Variants in BATF observed in about 807,000 individuals in gnomAD.
BATF encodes basic leucine zipper ATF-like transcription factor.
A neutral mutation model predicts 13.7 loss-of-function variants in BATF; 5 were observed. The ratio of observed to expected loss-of-function variants is 0.36; its 90% confidence interval spans 0.19 to 0.77. The LOEUF (loss-of-function observed/expected upper bound fraction) is 0.77, where lower values mean the gene tolerates loss of function less well. Ranked by LOEUF, BATF falls within the 30% of genes least tolerant of loss-of-function variation. BATF has a pLI of 0.51. For missense variants in BATF, 124 were observed against 163.0 expected, an observed-to-expected ratio of 0.76 and a Z score of 1.30; for synonymous variants, 72 against 67.5, an observed-to-expected ratio of 1.07 and a Z score of -0.33.
At chr14:75,543,462 A>C (rs369104699) in intron 2 of BATF, among the ~76,000 whole-genome samples, 2 of 149,852 alleles carry the variant, frequency 1.3e-5, no homozygotes, top group African/African-American at 2.5e-5. Context: ...ATTTAGAAAG[A>C]CCCCCCCCAG....
intron 2 of BATF, among the ~76,000 whole-genome samples, chr14:75,536,090 G>A (rs949194875): frequency 1.3e-5 from 2 of 152,212 alleles, no homozygotes; most frequent in Admixed American, 6.5e-5. Flanking sequence ...CAGAGTCTCT[G>A]ATTTCACGAA....
intron 2 of BATF, among the ~76,000 whole-genome samples, chr14:75,541,605 C>A (rs3784007): frequency 0.5 from 76,191 of 152,056 alleles, 19,471 homozygotes; most frequent in East Asian, 0.6. Flanking sequence ...GTCACCAAAA[C>A]CGAGACCCAG....
At chr14:75,526,925 A>G (rs1048065577) in intron 2 of BATF, among the ~76,000 whole-genome samples, 3 of 152,226 alleles carry the variant, frequency 2.0e-5, no homozygotes, top group Non-Finnish European at 2.9e-5. Context: ...CAAGTAGACA[A>G]TGTCCTCAGA....
chr14:75,530,689 T>G (rs574408897), intron 2 of BATF, among the ~76,000 whole-genome samples: 1 of 152,286 alleles, frequency 6.6e-6, no homozygotes, highest in African/African-American at 2.4e-5. Flanking sequence ...ATTTTTTATT[T>G]TTAGAGACAG....
intron 2 of BATF, among the ~76,000 whole-genome samples, chr14:75,532,075 C>A (rs886302749): frequency 2.6e-5 from 4 of 152,210 alleles, no homozygotes; most frequent in Admixed American, 6.5e-5. Context: ...GCTCTCCCTG[C>A]AGCATCTCAT....
chr14:75,535,179 G>A (rs56136561), intron 2 of BATF, among the ~76,000 whole-genome samples: 6,076 of 152,184 alleles, frequency 0.04, 400 homozygotes, highest in African/African-American at 0.14. Context: ...CAATACATAC[G>A]GAGGCCAAGG....
At chr14:75,539,215 C>T (rs1401330789) in intron 2 of BATF, among the ~76,000 whole-genome samples, 1 of 152,154 alleles carries the variant, frequency 6.6e-6, no homozygotes, top group Non-Finnish European at 1.5e-5. Context: ...CTTTCATTCT[C>T]TAGGCTGTGA....
At position 75,546,803 on chromosome 14, in the gene BATF, A is replaced by G. The variant is rs1887994886; in HGVS notation, c.*132A>G. The G allele has an allele frequency of 8.2e-7, 1 of 1,218,338 alleles. No homozygotes were observed. Among genetic ancestry groups the G allele is most frequent in the African/African-American group, 1.5e-5 (1 of 66,166 alleles). 75.5% of individuals were successfully genotyped at this position (1,218,338 alleles called of 1,614,324 possible). A position where few individuals can be genotyped will look rare whatever the true frequency, so the allele number is the denominator to read the frequency against. ...GCCTGGACAAGGAGTGAACACGGGA[A>G]CTGTCACGACTGGAAGGGCGTGAGG... On this transcript the variant is annotated 3_prime_UTR_variant, in exon 3 of 3. Coordinates refer to ENST00000286639, the MANE Select transcript of BATF (RefSeq NM_006399.5).
chr14:75,545,009 A>C (rs1048842741), intron 2 of BATF, among the ~76,000 whole-genome samples: 2 of 152,128 alleles, frequency 1.3e-5, no homozygotes, highest in Non-Finnish European at 2.9e-5. Context: ...TGATGTGATC[A>C]GAAATCAGCA....
intron 2 of BATF, among the ~76,000 whole-genome samples, chr14:75,544,065 A>G (rs1252133415): frequency 3.3e-5 from 5 of 152,160 alleles, no homozygotes; most frequent in African/African-American, 4.8e-5. Flanking sequence ...AGTTCATACT[A>G]TGTGCCAGGC....
intron 2 of BATF, among the ~76,000 whole-genome samples, chr14:75,539,078 C>T (rs980705305): frequency 6.6e-6 from 1 of 152,170 alleles, no homozygotes; most frequent in Non-Finnish European, 1.5e-5. Context: ...GACCAGCCAT[C>T]AAATGAGGAA....
chr14:75,532,035 C>T (rs975399526), intron 2 of BATF, among the ~76,000 whole-genome samples: 5 of 152,282 alleles, frequency 3.3e-5, no homozygotes, highest in South Asian at 2.1e-4. Flanking sequence ...ATTGAACAAA[C>T]GACTATGTAT....
intron 2 of BATF, among the ~76,000 whole-genome samples, chr14:75,534,970 C>T (rs1301923714): frequency 2.0e-5 from 3 of 152,120 alleles, no homozygotes; most frequent in East Asian, 3.9e-4. Flanking sequence ...ATTAGAAGAC[C>T]ACTTTAAGTA....
Position 75,546,731 on chromosome 14 carries a change from G to C in BATF, c.*60G>C. ...GGCACACAGACTGTGGCAGAGCTGC[G>C]CCCATCCCGCAGAGGCCCCTGTCCA... is the stretch of plus-strand genomic sequence containing the variant. On this transcript the variant is annotated 3_prime_UTR_variant, in exon 3 of 3. Transcript: ENST00000286639. 2 of 1,482,808 alleles carry C rather than the reference G, an allele frequency of 1.3e-6. No individual in the cohort carries two copies. Among genetic ancestry groups the C allele is most frequent in the Non-Finnish European group, 9.0e-7 (1 of 1,111,040 alleles). The allele number at this position is 1,482,808 out of a possible 1,614,324, so 91.9% of individuals were successfully genotyped here.
chr14:75,534,294 A>G (rs1040427482), intron 2 of BATF, among the ~76,000 whole-genome samples: 3 of 152,240 alleles, frequency 2.0e-5, no homozygotes, highest in African/African-American at 7.2e-5. Flanking sequence ...GAAAGCTTAC[A>G]TAATATTTTT....
intron 1 of BATF, among the ~76,000 whole-genome samples, chr14:75,523,938 C>T (rs899071347): frequency 6.6e-6 from 1 of 152,130 alleles, no homozygotes; most frequent in Non-Finnish European, 1.5e-5. Flanking sequence ...TTACTCATGG[C>T]TTCCATGGTA....
At chr14:75,536,572 T>A (rs553332601) in intron 2 of BATF, among the ~76,000 whole-genome samples, 37 of 151,234 alleles carry the variant, frequency 2.4e-4, no homozygotes, top group Admixed American at 4.0e-4. Flanking sequence ...CAAAAAAAAA[T>A]TTTTTTTAAA....
intron 2 of BATF, among the ~76,000 whole-genome samples, chr14:75,539,587 G>A (rs1416636293): frequency 1.3e-5 from 2 of 152,020 alleles, no homozygotes; most frequent in Admixed American, 6.6e-5. Flanking sequence ...AGGACCAGGC[G>A]ATAGCCTTTT....
At position 75,546,919 on chromosome 14, in the gene BATF, A is replaced by T; in HGVS notation, c.*248A>T. ...CCAATGCAGAAGAGTATTAAGAAAGATGCTCAAGTCCCATGGCACAGAGCA... is the reference window on the plus strand; with the variant it reads ...CCAATGCAGAAGAGTATTAAGAAAGTTGCTCAAGTCCCATGGCACAGAGCA... On this transcript the variant is annotated 3_prime_UTR_variant, in exon 3 of 3. Coordinates refer to ENST00000286639, the MANE Select transcript of BATF (RefSeq NM_006399.5). 1.4e-6 allele frequency: 1 copy of T among 706,970 alleles called. No homozygotes were observed. Among genetic ancestry groups the T allele is most frequent in the South Asian group, 1.5e-5 (1 of 67,664 alleles). 43.8% of individuals were successfully genotyped at this position (706,970 alleles called of 1,614,324 possible).
Sources: allele counts gnomAD v4.1 joint callset (sites outside exome capture counted in the v4.1 genomes callset), GRCh38; gene constraint gnomAD v4.1.1; transcripts MANE v1.5; gene names NCBI Gene and HGNC (gene_info 2026-07-23, HGNC 2026-07-21).